The following AHCTF1 variants were observed in gnomAD, a reference collection of about 807,000 sequenced individuals.
AHCTF1 encodes AT-hook containing transcription factor 1.
In AHCTF1, 24 loss-of-function variants were observed where a neutral mutation model predicts 248.4. The observed-to-expected ratio is 0.10, with a 90% CI of 0.07 to 0.14. The LOEUF is 0.14. Ranked by LOEUF, AHCTF1 falls within the 10% of genes least tolerant of loss-of-function variation. AHCTF1 has a pLI of 1.00. For synonymous variants in AHCTF1, 786 were observed against 929.8 expected, an observed-to-expected ratio of 0.85 and a Z score of 2.81; for missense variants, 2,206 against 2,636.2, an observed-to-expected ratio of 0.84 and a Z score of 3.57.
At chr1:246,873,429 A>G (rs184910478) in intron 24 of AHCTF1, among the ~76,000 whole-genome samples, 7 of 152,278 alleles carry the variant, frequency 4.6e-5, no homozygotes, top group Admixed American at 2.6e-4. Context: ...GAGACAATAC[A>G]CTAGTCAATT....
At chr1:246,924,382 G>A (rs186494073) in intron 1 of AHCTF1, among the ~76,000 whole-genome samples, 1 of 151,884 alleles carries the variant, frequency 6.6e-6, no homozygotes, top group African/African-American at 2.4e-5. Context: ...CAAAACATTA[G>A]TGCCGTTTAT....
intron 4 of AHCTF1, among the ~76,000 whole-genome samples, chr1:246,911,479 CTT>C (rs35320501): frequency 6.7e-4 from 67 of 99,490 alleles, no homozygotes; most frequent in East Asian, 2.1e-3. Context: ...TATGAAGATT[CTT>C]TTTTTTTTTT....
chr1:246,845,658 C>T (rs1660205710), intron 33 of AHCTF1, among the ~76,000 whole-genome samples: 1 of 152,236 alleles, frequency 6.6e-6, no homozygotes, highest in South Asian at 2.1e-4. Context: ...AAATAGCCTC[C>T]ACCATTTTTT....
chr1:246,866,986 A>C (rs1436045298), intron 26 of AHCTF1, among the ~76,000 whole-genome samples: 2 of 152,202 alleles, frequency 1.3e-5, no homozygotes, highest in East Asian at 3.8e-4. Flanking sequence ...AAGGAAAGTA[A>C]GTTAATAGTT....
At chr1:246,875,614 CTG>C (rs1310009366) in intron 24 of AHCTF1, among the ~76,000 whole-genome samples, 1 of 152,212 alleles carries the variant, frequency 6.6e-6, no homozygotes, top group East Asian at 1.9e-4. Flanking sequence ...TCGTAAGAAA[CTG>C]TCACAGCCAC....
Position 246,850,634 on chromosome 1 carries a change from G to C in AHCTF1, c.5372C>G (p.Ser1791Cys), listed in dbSNP as rs1190712489. 3 of 1,613,836 alleles carry C rather than the reference G, an allele frequency of 1.9e-6. No homozygotes were observed. The highest frequency in any genetic ancestry group is 2.5e-6 in the Non-Finnish European group (3 of 1,179,820). Residue 1791 changes from serine (S) to cysteine (C), a missense_variant, in exon 33 of 36, where the codon TCT becomes TGT. By Grantham distance (112) the Ser-to-Cys change is moderately radical (BLOSUM62 -1). Coordinates refer to ENST00000648844, the MANE Select transcript of AHCTF1 (RefSeq NM_001323342.2). Reference sequence around the variant, plus strand: ...GTTCTGAGATAGTCCTCTGACATCAGAATAGATGTTTTCAGAAGCTTCAGA... The same window carrying C: ...GTTCTGAGATAGTCCTCTGACATCACAATAGATGTTTTCAGAAGCTTCAGA... ...EISEASENIY[S>C]DVRGLSQNQQ...
intron 21 of AHCTF1, among the ~76,000 whole-genome samples, chr1:246,880,773 G>A (rs1355516345): frequency 3.3e-5 from 5 of 152,088 alleles, no homozygotes; most frequent in Admixed American, 3.3e-4. Context: ...TCAACTTCAA[G>A]AAATCCATTG....
At chr1:246,879,607 C>A (rs1350027020) in intron 21 of AHCTF1, among the ~76,000 whole-genome samples, 1 of 151,944 alleles carries the variant, frequency 6.6e-6, no homozygotes, top group African/African-American at 2.4e-5. Context: ...GTGGATCAAT[C>A]ATCTGAGGTC....
intron 31 of AHCTF1, 116 bp downstream of exon 31, chr1:246,855,614 T>C (rs1661058125): frequency 2.6e-6 from 2 of 762,868 alleles, no homozygotes; most frequent in Admixed American, 5.7e-5. Context: ...GAGAGAGGAA[T>C]AACTGAGGAG....
At chr1:246,886,319 A>G (rs995047154) in intron 20 of AHCTF1, among the ~76,000 whole-genome samples, 1 of 152,208 alleles carries the variant, frequency 6.6e-6, no homozygotes, top group Non-Finnish European at 1.5e-5. Flanking sequence ...TGACAGAGCG[A>G]GACTCCATCT....
intron 12 of AHCTF1, among the ~76,000 whole-genome samples, chr1:246,897,063 C>T (rs939576304): frequency 6.6e-6 from 1 of 152,162 alleles, no homozygotes; most frequent in Non-Finnish European, 1.5e-5. Context: ...CCTGTAATCC[C>T]AGCACTTTGG....
chr1:246,908,752 G>A (rs551741951), intron 4 of AHCTF1, among the ~76,000 whole-genome samples: 4 of 151,102 alleles, frequency 2.6e-5, no homozygotes, highest in Admixed American at 6.6e-5. Context: ...AAAATTAGCC[G>A]GGCATGGCGG....
chr1:246,864,215 G>T, intron 26 of AHCTF1, 99 bp from the exon 27 acceptor site: 1 of 1,171,430 alleles, frequency 8.5e-7, no homozygotes, highest in Non-Finnish European at 1.2e-6. Context: ...AACTATGATA[G>T]CCACATGCAA....
At chr1:246,892,033 T>G (rs1272153252) in intron 14 of AHCTF1, 114 bp from the exon 15 acceptor site, 1 of 1,195,408 alleles carries the variant, frequency 8.4e-7, no homozygotes. Flanking sequence ...CTATTCATTA[T>G]GAGATTTATA....
intron 6 of AHCTF1, among the ~76,000 whole-genome samples, chr1:246,905,054 G>A (rs1665283015): frequency 6.6e-6 from 1 of 152,176 alleles, no homozygotes; most frequent in Non-Finnish European, 1.5e-5. Flanking sequence ...TGATAACTCA[G>A]AATTATTCAA....
chr1:246,842,684 A>G lies in AHCTF1; in HGVS notation c.6608+10T>C, dbSNP rs199694321. The G allele has an allele frequency of 5.7e-5, 92 of 1,611,768 alleles. No homozygotes were observed. In the Middle Eastern group the frequency reaches 1.8e-3, roughly 32 times the overall value. ...AATCAATCAATCAAGAACAGAACAG[A>G]AAGTCATACTTGCTTGCTTGTTTTG... On this transcript the variant is annotated intron_variant, in intron 35 of 35. Transcript: ENST00000648844.
intron 32 of AHCTF1, among the ~76,000 whole-genome samples, chr1:246,852,538 G>A (rs1483563774): frequency 6.6e-6 from 1 of 151,890 alleles, no homozygotes; most frequent in Non-Finnish European, 1.5e-5. Flanking sequence ...TATTTTCAGA[G>A]TGTACAGATG....
At chr1:246,885,990 C>G (rs1419367369) in intron 20 of AHCTF1, among the ~76,000 whole-genome samples, 2 of 152,116 alleles carry the variant, frequency 1.3e-5, no homozygotes, top group Non-Finnish European at 2.9e-5. Flanking sequence ...AGTTCAAAAC[C>G]AGCCTGGGCA....
chr1:246,888,372 T>C (rs1663976504), intron 18 of AHCTF1, 22 bp downstream of exon 18: 4 of 1,612,722 alleles, frequency 2.5e-6, no homozygotes, highest in Admixed American at 1.7e-5. Flanking sequence ...CTCTAAATGA[T>C]AGCACATTAC....
Sources: gnomAD v4.1 joint callset for allele counts (sites outside exome capture counted in the v4.1 genomes callset) on GRCh38, gnomAD v4.1.1 for gene constraint, MANE v1.5 for transcripts, NCBI Gene and HGNC (gene_info 2026-07-23, HGNC 2026-07-21) for gene names.